The following NELL1 variants were observed in gnomAD, a reference collection of about 807,000 sequenced individuals.
The protein encoded by NELL1 is neural EGFL like 1.
A neutral mutation model predicts 107.4 loss-of-function variants in NELL1; 76 were observed. The observed-to-expected ratio is 0.71, with a 90% CI of 0.59 to 0.86. NELL1 has a LOEUF of 0.86. Among genes scored for constraint, NELL1 ranks in the 40% least tolerant of loss-of-function variants. The pLI, the probability that NELL1 is intolerant of heterozygous loss-of-function variation, is 0.00. For missense variants in NELL1, 1,024 were observed against 1,005.5 expected, an observed-to-expected ratio of 1.02 and a Z score of -0.25; for synonymous variants, 353 against 341.2, an observed-to-expected ratio of 1.03 and a Z score of -0.38.
At chr11:21,100,995 C>A (rs951480522) in intron 12 of NELL1, among the ~76,000 whole-genome samples, 1 of 149,278 alleles carries the variant, frequency 6.7e-6, no homozygotes, top group Admixed American at 6.6e-5. Flanking sequence ...CCCACTCCCC[C>A]AACCCCACAG....
At chr11:21,307,349 T>C (rs1849627941) in intron 14 of NELL1, among the ~76,000 whole-genome samples, 1 of 151,952 alleles carries the variant, frequency 6.6e-6, no homozygotes, top group African/African-American at 2.4e-5. Context: ...TGTGTGTGTA[T>C]GTTTTTGTAC....
At position 21,339,971 on chromosome 11, in the gene NELL1, A is replaced by C. The variant is rs368032675; in HGVS notation, c.1550-30882A>C. On this transcript the variant is annotated intron_variant, in intron 14 of 19. Transcript: ENST00000357134. ...AAGGGAATACAGGAGTCATAAGGAGACAGACCATGAATTGTTCTGTCTTCC... is the reference window on the plus strand; with the variant it reads ...AAGGGAATACAGGAGTCATAAGGAGCCAGACCATGAATTGTTCTGTCTTCC... Among the ~76,000 whole-genome samples the C allele has an allele frequency of 3.3e-5, 5 of 152,258 alleles. No individual in the cohort carries two copies. The South Asian group carries it at 1.0e-3, about 32-fold the overall frequency.
At chr11:21,573,483 T>G in intron 19 of NELL1, 74 bp downstream of exon 19, 3 of 1,248,390 alleles carry the variant, frequency 2.4e-6, no homozygotes, top group Non-Finnish European at 3.5e-6. Context: ...CCACTCCTGA[T>G]GTTTCTGAAT....
intron 12 of NELL1, among the ~76,000 whole-genome samples, chr11:20,986,208 A>G (rs1016436406): frequency 2.0e-5 from 3 of 152,186 alleles, no homozygotes; most frequent in African/African-American, 7.2e-5. Flanking sequence ...AGAGCAGACT[A>G]GGCAATACTT....
At chr11:20,688,561 A>G (rs1285737153) in intron 2 of NELL1, among the ~76,000 whole-genome samples, 6 of 152,144 alleles carry the variant, frequency 3.9e-5, no homozygotes, top group South Asian at 4.2e-4. Context: ...ACATGATTTC[A>G]TTGTTTCTTT....
At chr11:21,138,687 AT>A (rs1435395360) in intron 13 of NELL1, among the ~76,000 whole-genome samples, 1 of 152,242 alleles carries the variant, frequency 6.6e-6, no homozygotes, top group African/African-American at 2.4e-5. Context: ...ATTTAAAAAC[AT>A]TTTTAATTTT....
chr11:21,214,303 A>G (rs1276912971), intron 13 of NELL1, among the ~76,000 whole-genome samples: 2 of 152,162 alleles, frequency 1.3e-5, no homozygotes, highest in African/African-American at 4.8e-5. Flanking sequence ...CGATTTCCAG[A>G]TTTAAAATGC....
intron 12 of NELL1, among the ~76,000 whole-genome samples, chr11:21,034,017 A>G (rs562869773): frequency 4.7e-4 from 71 of 152,028 alleles, no homozygotes; most frequent in Non-Finnish European, 7.6e-4. Context: ...TAGTTTTATT[A>G]GATTCAGTTT....
At chr11:20,677,523 C>T (rs1854088234) in intron 1 of NELL1, among the ~76,000 whole-genome samples, 1 of 152,082 alleles carries the variant, frequency 6.6e-6, no homozygotes, top group East Asian at 1.9e-4. Context: ...TTTATTTATG[C>T]CAATTAGAGA....
At chr11:21,312,124 G>C (rs1460663388) in intron 14 of NELL1, among the ~76,000 whole-genome samples, 1 of 152,112 alleles carries the variant, frequency 6.6e-6, no homozygotes, top group South Asian at 2.1e-4. Flanking sequence ...TTTATTGTTT[G>C]TAAGTTACTC....
intron 2 of NELL1, among the ~76,000 whole-genome samples, chr11:20,687,542 A>G (rs565060105): frequency 6.6e-6 from 1 of 151,894 alleles, no homozygotes; most frequent in Non-Finnish European, 1.5e-5. Context: ...TAGGAAGATA[A>G]TGTTAAGAAT....
Position 21,495,401 on chromosome 11 carries a change from C to T in NELL1, c.1646-38973C>T, listed in dbSNP as rs995316139. 7.2e-5 allele frequency among the ~76,000 whole-genome samples: 11 copies of T among 152,044 alleles called. 1 individual carries two copies. Among genetic ancestry groups the T allele is most frequent in the African/African-American group, 2.7e-4 (11 of 41,418 alleles). Reference sequence around the variant, plus strand: ...GGTACACCACATTTGTTTAAACAGTCATCAGTTTATAGACATTAGGGTTGT... The same window carrying T: ...GGTACACCACATTTGTTTAAACAGTTATCAGTTTATAGACATTAGGGTTGT... On this transcript the variant is annotated intron_variant, in intron 15 of 19. Coordinates refer to ENST00000357134, the MANE Select transcript of NELL1 (RefSeq NM_006157.5).
intron 14 of NELL1, among the ~76,000 whole-genome samples, chr11:21,366,026 C>A (rs918317598): frequency 2.0e-5 from 3 of 152,038 alleles, no homozygotes; most frequent in African/African-American, 7.2e-5. Context: ...AGTAATAGGA[C>A]CACATTGTTC....
chr11:21,046,014 G>A (rs953109542), intron 12 of NELL1, among the ~76,000 whole-genome samples: 3 of 152,016 alleles, frequency 2.0e-5, no homozygotes, highest in East Asian at 1.9e-4. Context: ...TTTATTGCAG[G>A]CATTTAAGGA....
chr11:20,831,809 G>A (rs1858015736), intron 3 of NELL1, among the ~76,000 whole-genome samples: 1 of 152,168 alleles, frequency 6.6e-6, no homozygotes. Flanking sequence ...TCATGTTTGT[G>A]AAATTTATAA....
At chr11:21,123,928 T>C (rs1332770135) in intron 13 of NELL1, among the ~76,000 whole-genome samples, 6 of 152,192 alleles carry the variant, frequency 3.9e-5, no homozygotes, top group Non-Finnish European at 5.9e-5. Flanking sequence ...TCTAACATGA[T>C]TTAAGCAAGT....
chr11:21,292,489 A>G (rs1849292123), intron 14 of NELL1, among the ~76,000 whole-genome samples: 2 of 152,176 alleles, frequency 1.3e-5, no homozygotes, highest in African/African-American at 4.8e-5. Context: ...GTATCGTGAA[A>G]ATGGCCATAC....
chr11:20,960,852 A>G (rs1038993021), intron 12 of NELL1, among the ~76,000 whole-genome samples: 3 of 152,172 alleles, frequency 2.0e-5, no homozygotes, highest in Non-Finnish European at 4.4e-5. Flanking sequence ...CACTAGATCA[A>G]CCATAGACAC....
chr11:20,703,954 G>A (rs1445805339), intron 2 of NELL1, among the ~76,000 whole-genome samples: 1 of 152,228 alleles, frequency 6.6e-6, no homozygotes, highest in African/African-American at 2.4e-5. Context: ...TAAGTGTGAT[G>A]TGGTGCTGAG....
Sources: gnomAD v4.1 joint callset for allele counts (sites outside exome capture counted in the v4.1 genomes callset) on GRCh38, gnomAD v4.1.1 for gene constraint, MANE v1.5 for transcripts, NCBI Gene and HGNC (gene_info 2026-07-23, HGNC 2026-07-21) for gene names.